Variants in STAB1 observed in about 807,000 individuals in gnomAD.
STAB1 encodes the protein stabilin 1.
A neutral mutation model predicts 332.4 loss-of-function variants in STAB1; 250 were observed. The ratio of observed to expected loss-of-function variants is 0.75; its 90% confidence interval spans 0.68 to 0.84. The LOEUF (loss-of-function observed/expected upper bound fraction) is 0.84. Ranked by LOEUF, STAB1 falls within the 40% of genes least tolerant of loss-of-function variation. STAB1 has a pLI of 0.00. For synonymous variants in STAB1, 1,475 were observed against 1,390.4 expected, an observed-to-expected ratio of 1.06 and a Z score of -1.35; for missense variants, 3,249 against 3,489.7, an observed-to-expected ratio of 0.93 and a Z score of 1.74.
At chr3:52,496,299 A>G (rs1423341498) in intron 1 of STAB1, among the ~76,000 whole-genome samples, 1 of 152,140 alleles carries the variant, frequency 6.6e-6, no homozygotes, top group East Asian at 1.9e-4. Flanking sequence ...CTTCTGGAAG[A>G]GCCTCCCACC....
At chr3:52,510,836 C>T (rs1265105453) in intron 25 of STAB1, among the ~76,000 whole-genome samples, 1 of 152,260 alleles carries the variant, frequency 6.6e-6, no homozygotes, top group Non-Finnish European at 1.5e-5. Flanking sequence ...AGCCCCGGAG[C>T]TTTGCAGTGT....
At chr3:52,498,845 C>G (rs772104555) in intron 1 of STAB1, among the ~76,000 whole-genome samples, 37 of 152,236 alleles carry the variant, frequency 2.4e-4, no homozygotes, top group Non-Finnish European at 4.9e-4. Context: ...CCTGGCTCAG[C>G]AAAGGCGAGC....
intron 5 of STAB1, 119 bp from the exon 6 acceptor site, chr3:52,502,513 A>T: frequency 2.2e-6 from 2 of 923,376 alleles, no homozygotes; most frequent in Non-Finnish European, 3.3e-6. Context: ...ACAGCTCTGT[A>T]CTCTTAAGGT....
In STAB1 at chr3:52,521,645, T is replaced by C. The variant is rs137973783; in HGVS notation, c.6108T>C (p.Ser2036=). ...GCTGTGATGAGGGCCTTGGGGGCTC[T>C]GGCTCCTGCTTCTGTGATGAAGGCT... is the stretch of plus-strand genomic sequence containing the variant. ...HGRCDEGLGG[S]GSCFCDEGWT... is the part of the protein sequence containing the mutation. Residue 2036 remains serine (S), a synonymous_variant, in exon 57 of 69, where the codon TCT becomes TCC. Coordinates refer to ENST00000321725, the MANE Select transcript of STAB1 (RefSeq NM_015136.3). The C allele has an allele frequency of 2.7e-4, 442 of 1,613,194 alleles. 1 individual carries two copies. In the African/African-American group the frequency reaches 4.8e-3, roughly 18 times the overall value.
Position 52,522,156 on chromosome 3 carries a change from C to G in STAB1, c.6391C>G (p.Arg2131Gly). The G allele has an allele frequency of 6.2e-7, 1 of 1,612,904 alleles. No homozygotes were observed. ...PDYEGDGWSC[R>G]ARNPCTDGHR... ...CTACGAGGGTGATGGCTGGAGCTGC[C>G]GGGCCCGCAACCCCTGCACAGATGG... The change falls in exon 59 of 69, where the codon CGG becomes GGG. Residue 2131 changes from arginine (R) to glycine (G), a missense_variant. Coordinates refer to ENST00000321725, the MANE Select transcript of STAB1 (RefSeq NM_015136.3).
chr3:52,507,761 C>T, intron 19 of STAB1, 86 bp downstream of exon 19: 1 of 1,563,646 alleles, frequency 6.4e-7, no homozygotes, highest in Non-Finnish European at 8.8e-7. Context: ...GTGGGGGAAG[C>T]AGAGGCTGGG....
intron 1 of STAB1, among the ~76,000 whole-genome samples, chr3:52,499,750 T>C (rs1273822865): frequency 6.6e-6 from 1 of 150,876 alleles, no homozygotes; most frequent in East Asian, 1.9e-4. Context: ...ATACAAAAAA[T>C]TAGCCGGGCG....
intron 1 of STAB1, 95 bp from the exon 2 acceptor site, chr3:52,501,071 C>T: frequency 6.6e-7 from 1 of 1,508,318 alleles, no homozygotes; most frequent in Non-Finnish European, 9.0e-7. Context: ...TGGGAAGTGG[C>T]AGCTGGAGGG....
In STAB1 at chr3:52,521,861, A is replaced by C. The variant is rs1364656495; in HGVS notation, c.6181A>C (p.Thr2061Pro). The C allele has an allele frequency of 6.2e-7, 1 of 1,601,546 alleles. No individual in the cohort carries two copies. The highest frequency in any genetic ancestry group is 8.5e-7 in the Non-Finnish European group (1 of 1,173,072). The change falls in exon 58 of 69, where the codon ACC becomes CCC. Residue 2061 changes from threonine to proline, a missense_variant. Transcript: ENST00000321725. ...GGGGACAGAGCTGCAGCCTGTGTGT[A>C]CCCCACCCTGTGCACCCGAGGCTGT... ...EVQLELQPVC[T>P]PPCAPEAVCR...
At position 52,522,552 on chromosome 3, in the gene STAB1, C is replaced by T. The variant is rs756055164; in HGVS notation, c.6611-3C>T. ...GCTGACCATGCACCCCTCCATTCTGCAGAGAAACGGGCTGGCGTTTTCCAC... is the reference window on the plus strand; with the variant it reads ...GCTGACCATGCACCCCTCCATTCTGTAGAGAAACGGGCTGGCGTTTTCCAC... On this transcript the variant is annotated splice_polypyrimidine_tract_variant and splice_region_variant and intron_variant, in intron 60 of 68. Coordinates refer to ENST00000321725, the MANE Select transcript of STAB1 (RefSeq NM_015136.3). 6.2e-7 allele frequency: 1 copy of T among 1,612,976 alleles called. No homozygotes were observed. The highest frequency in any genetic ancestry group is 8.5e-7 in the Non-Finnish European group (1 of 1,180,040).
Position 52,507,943 on chromosome 3 carries a change from A to G in STAB1, c.2065A>G (p.Lys689Glu). 2 of 1,613,548 alleles carry G rather than the reference A, an allele frequency of 1.2e-6. No individual in the cohort carries two copies. Among genetic ancestry groups the G allele is most frequent in the Non-Finnish European group, 1.7e-6 (2 of 1,179,926 alleles). The part of the protein sequence containing the change: ...PNSVKLDIFP[K>E]ECVYIHDPTG... ...TGGCCCACCCTAGGACATCTTCCCC[A>G]AGGAGTGTGTCTACATCCATGACCC... Residue 689 changes from lysine to glutamate, a missense_variant, in exon 20 of 69, where the codon AAG (lysine) becomes GAG (glutamate). By Grantham distance (56) the Lys-to-Glu change is moderately conservative. Transcript: ENST00000321725.
chr3:52,499,698 G>A (rs1343218070), intron 1 of STAB1, among the ~76,000 whole-genome samples: 1 of 150,440 alleles, frequency 6.6e-6, no homozygotes, highest in Non-Finnish European at 1.5e-5. Flanking sequence ...AGGAGATCGA[G>A]ACCAACCCCG....
intron 10 of STAB1, 46 bp downstream of exon 10, chr3:52,504,201 GCA>G: frequency 6.4e-7 from 1 of 1,554,688 alleles, no homozygotes; most frequent in Non-Finnish European, 8.7e-7. Flanking sequence ...CTCACCCCCA[GCA>G]CAGTTGGCAG....
At chr3:52,507,582 C>T (rs1482431707) in intron 18 of STAB1, 31 bp from the exon 19 acceptor site, 1 of 1,605,334 alleles carries the variant, frequency 6.2e-7, no homozygotes, top group Non-Finnish European at 8.5e-7. Context: ...ATGACTAACC[C>T]CTCTCCCCAT....
rs1709526492 is a variant in STAB1 at position 52,514,398 on chromosome 3, G to C, written c.3580G>C (p.Gly1194Arg). 6.4e-7 allele frequency: 1 copy of C among 1,552,108 alleles called. No individual in the cohort carries two copies. Among genetic ancestry groups the C allele is most frequent in the Non-Finnish European group, 8.7e-7 (1 of 1,148,706 alleles). The change falls in exon 34 of 69, where the codon GGG becomes CGG. Residue 1194 changes from glycine to arginine, a missense_variant. Transcript: ENST00000321725. ...CACAGTGCGGCACCATGTGGTCCTG[G>C]GGGAGGCCCTCTCCATGGAAACCCT... ...ADTVRHHVVL[G>R]EALSMETLRK...
chr3:52,503,992 A>C, intron 9 of STAB1, 36 bp from the exon 10 acceptor site: 4 of 1,609,618 alleles, frequency 2.5e-6, no homozygotes, highest in Non-Finnish European at 3.4e-6. Flanking sequence ...GGGGGGCCTC[A>C]GCCTCCGCCC....
At chr3:52,512,766 G>A (rs1487157117) in intron 28 of STAB1, 62 bp from the exon 29 acceptor site, 36 of 1,606,224 alleles carry the variant, frequency 2.2e-5, no homozygotes, top group Non-Finnish European at 2.9e-5. Context: ...CTAGAGCAGG[G>A]GATCTGAAGA....
intron 41 of STAB1, 59 bp downstream of exon 41, chr3:52,516,827 GAGCCCCCTTCACTTCCTCTAGGCCC>G: frequency 2.5e-6 from 4 of 1,593,508 alleles, no homozygotes; most frequent in Non-Finnish European, 3.4e-6. Flanking sequence ...TGTCCCCACA[GAGCCCCCTTCACTTCCTCTAGGCCC>G]AGCCCCCCTC....
Position 52,522,017 on chromosome 3 carries a change from C to T in STAB1, c.6272-20C>T. On this transcript the variant is annotated intron_variant, in intron 58 of 68. Coordinates refer to ENST00000321725, the MANE Select transcript of STAB1 (RefSeq NM_015136.3). Reference sequence around the variant, plus strand: ...CTCCCCTGCAGTCACTAGGTCCAACCACTCCCTCCCTGCCCTCAGTGGCAG... The same window carrying T: ...CTCCCCTGCAGTCACTAGGTCCAACTACTCCCTCCCTGCCCTCAGTGGCAG... 6.2e-7 allele frequency: 1 copy of T among 1,612,098 alleles called. No homozygotes were observed. The highest frequency in any genetic ancestry group is 8.5e-7 in the Non-Finnish European group (1 of 1,178,998).
Sources: gnomAD v4.1 joint callset for allele counts (sites outside exome capture counted in the v4.1 genomes callset) on GRCh38, gnomAD v4.1.1 for gene constraint, MANE v1.5 for transcripts, NCBI Gene and HGNC (gene_info 2026-07-23, HGNC 2026-07-21) for gene names.